Variants in SEC14L5 observed in about 807,000 individuals in gnomAD.
The protein encoded by SEC14L5 is SEC14-like protein 5.
A neutral mutation model predicts 84.6 loss-of-function variants in SEC14L5; 96 were observed. The ratio of observed to expected loss-of-function variants is 1.13; its 90% CI spans 0.96 to 1.34. The LOEUF (loss-of-function observed/expected upper bound fraction) is 1.34, where lower values mean the gene tolerates loss of function less well. Among genes scored for constraint, SEC14L5 ranks in the 40% most tolerant of loss-of-function variants. The pLI, the probability that SEC14L5 is intolerant of heterozygous loss-of-function variation, is 0.00. For synonymous variants in SEC14L5, 546 were observed against 383.4 expected (o/e 1.42, Z -4.95); for missense variants, 1,224 against 942.5 (o/e 1.30, Z -3.91).
At chr16:4,965,543 C>G (rs904628248) in intron 2 of SEC14L5, among the ~76,000 whole-genome samples, 4 of 150,970 alleles carry the variant, frequency 2.6e-5, no homozygotes, top group Non-Finnish European at 2.9e-5. Flanking sequence ...CGCCTGTAGT[C>G]CCAGCTACTC....
chr16:4,971,054 G>C (rs1049125770), intron 2 of SEC14L5, among the ~76,000 whole-genome samples: 6 of 148,066 alleles, frequency 4.1e-5, no homozygotes, highest in African/African-American at 1.5e-4. Context: ...ATACAGAGCC[G>C]AGATTGCACC....
At chr16:4,986,000 G>C (rs1596626085) in intron 2 of SEC14L5, among the ~76,000 whole-genome samples, 1 of 151,956 alleles carries the variant, frequency 6.6e-6, no homozygotes. Flanking sequence ...GGATCATAAG[G>C]TAATTCTATG....
At chr16:5,008,691 T>A (rs1568151806) in intron 14 of SEC14L5, 43 bp downstream of exon 14, 1 of 1,530,504 alleles carries the variant, frequency 6.5e-7, no homozygotes, top group East Asian at 2.2e-5. Context: ...CAAGCAGCAC[T>A]GAGTGTCCAC....
At chr16:4,962,789 A>G (rs917218811) in intron 2 of SEC14L5, among the ~76,000 whole-genome samples, 1 of 151,740 alleles carries the variant, frequency 6.6e-6, no homozygotes. Context: ...TCTATCTTCC[A>G]TACAGTCCTT....
intron 10 of SEC14L5, among the ~76,000 whole-genome samples, chr16:5,002,701 G>T (rs140654220): frequency 6.6e-6 from 1 of 152,100 alleles, no homozygotes; most frequent in Non-Finnish European, 1.5e-5. Context: ...GGCACCAGCC[G>T]CTGCAGTCAA....
chr16:4,972,049 G>A (rs9929700), intron 2 of SEC14L5, among the ~76,000 whole-genome samples: 105,919 of 151,312 alleles, frequency 0.7, 37,415 homozygotes, highest in Admixed American at 0.74. Flanking sequence ...TTAATTGCCC[G>A]GGCTGGAGTG....
At chr16:4,987,506 G>C (rs1416461771) in intron 2 of SEC14L5, 51 bp from the exon 3 acceptor site, 1 of 1,451,878 alleles carries the variant, frequency 6.9e-7, no homozygotes, top group Non-Finnish European at 9.2e-7. Context: ...CTGGGGGGGG[G>C]GGTCCCTCTG....
chr16:4,962,202 G>C (rs1441348718), intron 2 of SEC14L5, among the ~76,000 whole-genome samples: 1 of 147,900 alleles, frequency 6.8e-6, no homozygotes, highest in South Asian at 2.2e-4. Context: ...AAAAAGAAAA[G>C]AAAACAAAAA....
intron 6 of SEC14L5, 35 bp from the exon 7 acceptor site, chr16:4,996,313 C>T (rs770026906): frequency 2.4e-6 from 3 of 1,239,792 alleles, no homozygotes; most frequent in Non-Finnish European, 3.5e-6. Context: ...CGCAGCGTCT[C>T]CCTCTTGTCC....
intron 8 of SEC14L5, among the ~76,000 whole-genome samples, chr16:5,000,397 C>CG (rs1316202911): frequency 1.3e-5 from 2 of 152,224 alleles, no homozygotes; most frequent in Non-Finnish European, 2.9e-5. Context: ...CTCTGCCCCC[C>CG]AAAATGCTGG....
At chr16:5,007,286 T>C (rs1034392572) in intron 12 of SEC14L5, 66 bp from the exon 13 acceptor site, 17 of 1,527,482 alleles carry the variant, frequency 1.1e-5, no homozygotes, top group African/African-American at 5.5e-5. Flanking sequence ...ACATCACCCT[T>C]CTGTGGGTCA....
chr16:5,000,819 A>G (rs1955667538), intron 9 of SEC14L5, 36 bp from the exon 10 acceptor site: 1 of 1,580,478 alleles, frequency 6.3e-7, no homozygotes, highest in Non-Finnish European at 8.6e-7. Context: ...TAAAGCAGCG[A>G]GGCGGACGTT....
chr16:4,990,983 A>T (rs1955547805), intron 5 of SEC14L5, 88 bp downstream of exon 5: 1 of 1,122,466 alleles, frequency 8.9e-7, no homozygotes, highest in Admixed American at 2.9e-5. Flanking sequence ...CAAGACCCTT[A>T]CCCTTCCTGG....
chr16:4,982,224 G>T (rs370774368), intron 2 of SEC14L5, among the ~76,000 whole-genome samples: 1 of 151,886 alleles, frequency 6.6e-6, no homozygotes, highest in East Asian at 1.9e-4. Flanking sequence ...CCCTCCCCCC[G>T]CCTCTCTTCC....
At chr16:4,983,123 C>G (rs978503598) in intron 2 of SEC14L5, among the ~76,000 whole-genome samples, 4 of 152,036 alleles carry the variant, frequency 2.6e-5, no homozygotes, top group African/African-American at 9.7e-5. Context: ...CTGCCTCAGC[C>G]TCCTGACTAG....
chr16:5,014,312 G>C (rs1050647931), intron 15 of SEC14L5, among the ~76,000 whole-genome samples: 3 of 152,204 alleles, frequency 2.0e-5, no homozygotes, highest in African/African-American at 7.2e-5. Flanking sequence ...GCTTTGGGAG[G>C]CCGAGTCACG....
chr16:4,965,473 A>G (rs1032311060), intron 2 of SEC14L5, among the ~76,000 whole-genome samples: 5 of 150,438 alleles, frequency 3.3e-5, no homozygotes, highest in African/African-American at 1.2e-4. Context: ...CATCCTGGCT[A>G]ACACGGTGAA....
At chr16:5,000,537 G>T (rs1369932690) in intron 8 of SEC14L5, 118 bp from the exon 9 acceptor site, 3 of 713,554 alleles carry the variant, frequency 4.2e-6, no homozygotes, top group South Asian at 3.5e-5. Flanking sequence ...AGGCTGGATC[G>T]GGCCTTGGTG....
At position 5,016,666 on chromosome 16, in the gene SEC14L5, A is replaced by C. The variant is rs1955878014; in HGVS notation, c.*1696A>C. ...TCATCTCTGCTGCAGTAACTGAGCC[A>C]AGGGGTGGTTTTGTGGCCACAAGAA... is the stretch of plus-strand genomic sequence containing the variant. On this transcript the variant is annotated 3_prime_UTR_variant, in exon 16 of 16. Transcript: ENST00000251170. 6.6e-6 allele frequency: 1 copy of C among 152,186 alleles called. No homozygotes were observed. The highest frequency in any genetic ancestry group is 2.4e-5 in the African/African-American group (1 of 41,440). 9.4% of individuals were successfully genotyped at this position (152,186 alleles called of 1,614,324 possible).
Sources: allele counts gnomAD v4.1 joint callset (sites outside exome capture counted in the v4.1 genomes callset), GRCh38; gene constraint gnomAD v4.1.1; transcripts MANE v1.5; gene names NCBI Gene and HGNC (gene_info 2026-07-23, HGNC 2026-07-21).